Variants in COLQ observed in about 807,000 individuals in gnomAD.
The protein encoded by COLQ is collagen like tail subunit of asymmetric acetylcholinesterase, also known as acetylcholinesterase collagenic tail peptide.
A neutral mutation model predicts 69.0 loss-of-function variants in COLQ; 48 were observed. The observed-to-expected ratio is 0.70, with a 90% CI of 0.55 to 0.88. COLQ has a LOEUF of 0.88. COLQ is among the 40% of genes least tolerant of loss of function. COLQ has a pLI of 0.00. For synonymous variants in COLQ, 217 were observed against 211.2 expected, an observed-to-expected ratio of 1.03 and a Z score of -0.24; for missense variants, 618 against 594.6, an observed-to-expected ratio of 1.04 and a Z score of -0.41.
intron 1 of COLQ, chr3:15,498,695 G>T: frequency 6.5e-7 from 1 of 1,546,686 alleles, no homozygotes. Flanking sequence ...TGGCATTAGG[G>T]GTGGGAGTTG....
intron 15 of COLQ, 58 bp from the exon 16 acceptor site, chr3:15,453,989 C>G: frequency 7.8e-7 from 1 of 1,284,960 alleles, no homozygotes; most frequent in Non-Finnish European, 1.1e-6. Context: ...AGGCTTGCCT[C>G]AGCTTGTAAG....
intron 1 of COLQ, among the ~76,000 whole-genome samples, chr3:15,492,676 A>G: frequency 6.6e-6 from 1 of 152,238 alleles, no homozygotes; most frequent in East Asian, 1.9e-4. Context: ...CAAAAAAAAA[A>G]AAAATGCTGT....
intron 1 of COLQ, among the ~76,000 whole-genome samples, chr3:15,515,340 C>T (rs1241833876): frequency 2.0e-5 from 3 of 152,190 alleles, no homozygotes; most frequent in African/African-American, 7.2e-5. Context: ...CACCATCACA[C>T]AGTTCATAAC....
Position 15,512,437 on chromosome 3 carries a change from G to T in COLQ, c.106+9083C>A, listed in dbSNP as rs1367690922. On this transcript the variant is annotated intron_variant, in intron 1 of 16. Transcript: ENST00000383788. Reference sequence around the variant, plus strand: ...TGCTCCTGGGCTGGGAGATGGAAGAGGGCCAGGTGTATTTTTAAAGCATCT... The same window carrying T: ...TGCTCCTGGGCTGGGAGATGGAAGATGGCCAGGTGTATTTTTAAAGCATCT... 2.0e-5 allele frequency among the ~76,000 whole-genome samples: 3 copies of T among 152,274 alleles called. No homozygotes were observed. The East Asian group carries it at 5.8e-4, about 29-fold the overall frequency.
chr3:15,475,298 G>T, intron 7 of COLQ, 127 bp downstream of exon 7: 4 of 943,454 alleles, frequency 4.2e-6, no homozygotes, highest in Non-Finnish European at 5.0e-6. Context: ...GTAAAGGCAG[G>T]CTCTCCAATA....
intron 7 of COLQ, 79 bp downstream of exon 7, chr3:15,475,346 C>T (rs181355239): frequency 2.1e-5 from 29 of 1,363,106 alleles, no homozygotes; most frequent in Non-Finnish European, 2.7e-5. Context: ...CAGCCCCACC[C>T]AGTCCCTATG....
intron 13 of COLQ, among the ~76,000 whole-genome samples, chr3:15,457,974 A>G (rs2062048787): frequency 6.6e-6 from 1 of 152,234 alleles, no homozygotes. Flanking sequence ...TTTTAATAAG[A>G]CAAAGAAAAT....
At chr3:15,492,466 A>G (rs1377535304) in intron 1 of COLQ, among the ~76,000 whole-genome samples, 1 of 152,210 alleles carries the variant, frequency 6.6e-6, no homozygotes, top group African/African-American at 2.4e-5. Flanking sequence ...GGAGATCGAG[A>G]CCATCCTGGC....
At chr3:15,458,846 A>AT (rs397874056) in intron 12 of COLQ, among the ~76,000 whole-genome samples, 3,828 of 145,490 alleles carry the variant, frequency 0.026, 129 homozygotes, top group African/African-American at 0.074. Context: ...TATATATAGA[A>AT]TTTTTTTTTT....
intron 1 of COLQ, among the ~76,000 whole-genome samples, chr3:15,499,492 CA>C (rs2062802159): frequency 3.9e-5 from 6 of 152,134 alleles, no homozygotes; most frequent in Admixed American, 2.0e-4. Flanking sequence ...TGCCATTGTA[CA>C]GGACAGCAGC....
At chr3:15,503,811 GCA>G (rs2062865512) in intron 1 of COLQ, among the ~76,000 whole-genome samples, 1 of 152,072 alleles carries the variant, frequency 6.6e-6, no homozygotes, top group Non-Finnish European at 1.5e-5. Flanking sequence ...TCAGTTACCA[GCA>G]CACGGTGGAG....
At chr3:15,480,340 C>T (rs1332641221) in intron 3 of COLQ, among the ~76,000 whole-genome samples, 1 of 151,876 alleles carries the variant, frequency 6.6e-6, no homozygotes, top group Non-Finnish European at 1.5e-5. Flanking sequence ...ACTCCCCCCA[C>T]CCCACGACAG....
At chr3:15,468,976 C>T (rs1019529839) in intron 11 of COLQ, among the ~76,000 whole-genome samples, 10 of 152,186 alleles carry the variant, frequency 6.6e-5, no homozygotes, top group Admixed American at 2.0e-4. Context: ...ACTCTCAGCA[C>T]TGCTGGCCAA....
At chr3:15,455,030 G>C (rs1038395455) in intron 15 of COLQ, among the ~76,000 whole-genome samples, 1 of 152,092 alleles carries the variant, frequency 6.6e-6, no homozygotes, top group South Asian at 2.1e-4. Flanking sequence ...CTGAGCCCCA[G>C]CCTGGATCTT....
intron 3 of COLQ, among the ~76,000 whole-genome samples, chr3:15,483,482 T>C (rs1460571798): frequency 6.6e-6 from 1 of 152,258 alleles, no homozygotes; most frequent in Non-Finnish European, 1.5e-5. Context: ...CCAGTAGTCA[T>C]TCAGGAGCAG....
intron 6 of COLQ, 96 bp from the exon 7 acceptor site, chr3:15,475,583 T>A (rs942658313): frequency 4.0e-5 from 49 of 1,221,392 alleles, no homozygotes; most frequent in Non-Finnish European, 5.4e-5. Context: ...ACTGGGGATA[T>A]CAGGGCTGGC....
chr3:15,518,710 G>T (rs1481319919), intron 1 of COLQ, among the ~76,000 whole-genome samples: 1 of 152,150 alleles, frequency 6.6e-6, no homozygotes, highest in Non-Finnish European at 1.5e-5. Context: ...GCCCATGAGA[G>T]CTCTTCCTCC....
chr3:15,499,869 T>C (rs2062808289), intron 1 of COLQ, among the ~76,000 whole-genome samples: 1 of 152,248 alleles, frequency 6.6e-6, no homozygotes, highest in East Asian at 1.9e-4. Context: ...TAAGCTTTCT[T>C]ACTTATAAAG....
At chr3:15,468,015 G>A in intron 11 of COLQ, 1 of 455,048 alleles carries the variant, frequency 2.2e-6, no homozygotes, top group Admixed American at 2.4e-5. Flanking sequence ...TAACCAAGCT[G>A]GGTCTCAGGA....
Sources: gnomAD v4.1 joint callset for allele counts (sites outside exome capture counted in the v4.1 genomes callset) on GRCh38, gnomAD v4.1.1 for gene constraint, MANE v1.5 for transcripts, NCBI Gene and HGNC (gene_info 2026-07-23, HGNC 2026-07-21) for gene names.